Variants in ANO1 observed in about 807,000 individuals in gnomAD.
The protein encoded by ANO1 is anoctamin-1.
ANO1 carries 59 observed loss-of-function variants against 124.0 expected under a neutral mutation model. The observed-to-expected ratio is 0.48, with a 90% CI of 0.39 to 0.59. The LOEUF (loss-of-function observed/expected upper bound fraction) is 0.59. ANO1 is among the 20% of genes least tolerant of loss of function. The pLI, the probability that ANO1 is intolerant of heterozygous loss-of-function variation, is 0.00. For missense variants in ANO1, 1,059 were observed against 1,328.0 expected, an observed-to-expected ratio of 0.80 and a Z score of 3.15; for synonymous variants, 529 against 532.0, an observed-to-expected ratio of 0.99 and a Z score of 0.08.
chr11:70,164,919 C>T (rs2048193371), intron 19 of ANO1, among the ~76,000 whole-genome samples: 1 of 152,200 alleles, frequency 6.6e-6, no homozygotes, highest in South Asian at 2.1e-4. Context: ...CGCTCCCATC[C>T]ACAGCCCCAA....
chr11:70,050,284 T>C (rs1366739630), intron 1 of ANO1, among the ~76,000 whole-genome samples: 1 of 152,140 alleles, frequency 6.6e-6, no homozygotes, highest in East Asian at 1.9e-4. Context: ...AGGTTTGAAT[T>C]TCGGTGACTA....
chr11:70,087,741 T>C lies in ANO1; in HGVS notation c.109-11T>C. 1 of 1,571,618 alleles carries C rather than the reference T, an allele frequency of 6.4e-7. No homozygotes were observed. The highest frequency in any genetic ancestry group is 1.2e-5 in the South Asian group (1 of 83,552). ...TCGATGGTGAATGGGTGTCTTTTCT[T>C]CCACCCTTAGCTGCTGAACTCCTTA... On this transcript the variant is annotated splice_polypyrimidine_tract_variant and intron_variant, in intron 1 of 25. Transcript: ENST00000355303.
intron 14 of ANO1, 110 bp downstream of exon 14, chr11:70,153,238 G>A (rs1157525544): frequency 3.8e-5 from 38 of 1,002,954 alleles, no homozygotes; most frequent in Non-Finnish European, 5.4e-5. Flanking sequence ...GTGTAACCCC[G>A]TGTTGCGGCT....
intron 1 of ANO1, among the ~76,000 whole-genome samples, chr11:70,040,589 C>T (rs536168734): frequency 3.9e-5 from 6 of 152,258 alleles, no homozygotes; most frequent in Middle Eastern, 3.4e-3. Flanking sequence ...ACATGACAAT[C>T]GCTTGAGCCT....
rs1265854856 is a variant in ANO1, at chr11:70,137,193, A to G, written c.1258+5114A>G. 2.0e-5 allele frequency among the ~76,000 whole-genome samples: 3 copies of G among 147,088 alleles called. 1 individual carries two copies. The highest frequency in any genetic ancestry group is 4.5e-5 in the Non-Finnish European group (3 of 66,096). Reference sequence around the variant, plus strand: ...CAGCAGTCTGTCACCGCTGAAGCACACGTGCCAGAGCTCCCGTTGTTTATC... The same window carrying G: ...CAGCAGTCTGTCACCGCTGAAGCACGCGTGCCAGAGCTCCCGTTGTTTATC... On this transcript the variant is annotated intron_variant, in intron 11 of 25. Coordinates refer to ENST00000355303, the MANE Select transcript of ANO1 (RefSeq NM_018043.7).
chr11:70,047,455 C>A (rs1445039745), intron 1 of ANO1, among the ~76,000 whole-genome samples: 1 of 152,028 alleles, frequency 6.6e-6, no homozygotes, highest in Non-Finnish European at 1.5e-5. Flanking sequence ...ACATGAGAGG[C>A]CAAAGCTCTC....
chr11:70,025,886 GAT>G (rs1555003139), intron 1 of ANO1, among the ~76,000 whole-genome samples: 2 of 138,144 alleles, frequency 1.4e-5, no homozygotes, highest in South Asian at 4.8e-4. Context: ...TGGTGGTGAT[GAT>G]GGTGATGATG....
intron 11 of ANO1, among the ~76,000 whole-genome samples, chr11:70,148,590 C>T (rs12275262): frequency 3.9e-5 from 6 of 152,220 alleles, no homozygotes; most frequent in Non-Finnish European, 7.3e-5. Flanking sequence ...GCTCGAGAAT[C>T]GTGAGCTCTG....
chr11:70,181,182 G>A (rs1366076433), intron 23 of ANO1, among the ~76,000 whole-genome samples: 2 of 152,204 alleles, frequency 1.3e-5, no homozygotes, highest in African/African-American at 2.4e-5. Context: ...CCCTCTGGCT[G>A]AGCCCAATCC....
chr11:70,149,706 G>T lies in ANO1; in HGVS notation c.1259-4G>T. 7 of 1,611,906 alleles carry T rather than the reference G, an allele frequency of 4.3e-6. No homozygotes were observed. In the South Asian group the frequency reaches 7.7e-5, roughly 18 times the overall value. Reference sequence around the variant, plus strand: ...AGAGACTCTGGTTTTGCCCCTGCCCGCAGCTGCCACCTTCATGGAGCACTG... The same window carrying T: ...AGAGACTCTGGTTTTGCCCCTGCCCTCAGCTGCCACCTTCATGGAGCACTG... On this transcript the variant is annotated splice_region_variant and splice_polypyrimidine_tract_variant and intron_variant, in intron 11 of 25. Coordinates refer to ENST00000355303, the MANE Select transcript of ANO1 (RefSeq NM_018043.7).
chr11:69,969,969 C>A, the ANO1 span, among the ~76,000 whole-genome samples: 1 of 147,648 alleles, frequency 6.8e-6, no homozygotes, highest in African/African-American at 2.5e-5. Context: ...ACAAACAAAA[C>A]GAAAGAGAGA....
chr11:70,068,643 C>T (rs1555008935), intron 1 of ANO1, among the ~76,000 whole-genome samples: 1 of 152,024 alleles, frequency 6.6e-6, no homozygotes, highest in Non-Finnish European at 1.5e-5. Flanking sequence ...GAAGTCCAGC[C>T]CAAGAGAATA....
At chr11:70,066,749 A>G (rs1469282079) in intron 1 of ANO1, among the ~76,000 whole-genome samples, 2 of 152,102 alleles carry the variant, frequency 1.3e-5, no homozygotes, top group South Asian at 2.1e-4. Context: ...CAGCTCCATC[A>G]CCGTAACTCC....
At chr11:70,106,862 G>C (rs557240743) in intron 5 of ANO1, among the ~76,000 whole-genome samples, 1 of 152,334 alleles carries the variant, frequency 6.6e-6, no homozygotes, top group Admixed American at 6.5e-5. Flanking sequence ...AGGAGTCAGA[G>C]AACAGCAGTA....
At chr11:70,160,181 C>G (rs2047988772) in intron 16 of ANO1, among the ~76,000 whole-genome samples, 1 of 152,090 alleles carries the variant, frequency 6.6e-6, no homozygotes, top group Non-Finnish European at 1.5e-5. Flanking sequence ...TGCATGGGAG[C>G]AAATATGCGA....
rs34200982 is a variant in ANO1 at position 70,035,520 on chromosome 11, C to CTATATATATATA, written c.59-43015_59-43004dup. 6.1e-3 allele frequency among the ~76,000 whole-genome samples: 895 copies of CTATATATATATA among 147,728 alleles called. 13 individuals carry two copies. Among genetic ancestry groups the CTATATATATATA allele is most frequent in the African/African-American group, 0.015 (609 of 40,090 alleles). On this transcript the variant is annotated intron_variant, in intron 1 of 27. Transcript: ENST00000531349. ...TAACTGGTAGCCCAGTAAGCTGTTG[C>CTATATATATATA]TATATATATATATATATACTTTAAG...
intron 5 of ANO1, 118 bp downstream of exon 5, chr11:70,105,906 A>G: frequency 9.3e-7 from 1 of 1,072,414 alleles, no homozygotes; most frequent in Non-Finnish European, 1.4e-6. Flanking sequence ...TGTCTGTGAC[A>G]GAAATAATTA....
chr11:70,189,199 A>G lies in ANO1; in HGVS notation c.*1195A>G, dbSNP rs1393962584. On this transcript the variant is annotated 3_prime_UTR_variant, in exon 26 of 26. Coordinates refer to ENST00000355303, the MANE Select transcript of ANO1 (RefSeq NM_018043.7). ...TTTCTCAAGCACCAAGAGAAACATCATTTTAGCAAAGGCCAGGAGGAAAAA... is the reference window on the plus strand; with the variant it reads ...TTTCTCAAGCACCAAGAGAAACATCGTTTTAGCAAAGGCCAGGAGGAAAAA... 1 of 152,642 alleles carries G rather than the reference A, an allele frequency of 6.6e-6. No individual in the cohort carries two copies. Among genetic ancestry groups the G allele is most frequent in the Admixed American group, 6.5e-5 (1 of 15,278 alleles). The allele number at this position is 152,642 out of a possible 1,614,324, so 9.5% of individuals were successfully genotyped here.
In ANO1 at chr11:70,189,068, G is replaced by A. The variant is rs1301885242; in HGVS notation, c.*1064G>A. On this transcript the variant is annotated 3_prime_UTR_variant, in exon 26 of 26. Coordinates refer to ENST00000355303, the MANE Select transcript of ANO1 (RefSeq NM_018043.7). ...ACACTTCTCTATATTTTTACTCACA[G>A]GAATGTCACTGTTGGACAATTATTT... 1.3e-5 allele frequency: 2 copies of A among 152,462 alleles called. No individual in the cohort carries two copies. The highest frequency in any genetic ancestry group is 6.6e-5 in the Admixed American group (1 of 15,264). 9.4% of individuals were successfully genotyped at this position (152,462 alleles called of 1,614,324 possible). A position where few individuals can be genotyped will look rare whatever the true frequency, so the allele number is the denominator to read the frequency against.
Sources: gnomAD v4.1 joint callset for allele counts (sites outside exome capture counted in the v4.1 genomes callset) on GRCh38, gnomAD v4.1.1 for gene constraint, MANE v1.5 for transcripts, NCBI Gene and HGNC (gene_info 2026-07-23, HGNC 2026-07-21) for gene names.